The following EFR3A variants were observed in gnomAD, a reference collection of about 807,000 sequenced individuals.
The protein encoded by EFR3A is protein EFR3 homolog A.
A neutral mutation model predicts 104.4 loss-of-function variants in EFR3A; 76 were observed. The ratio of observed to expected loss-of-function variants is 0.73; its 90% confidence interval spans 0.60 to 0.88. The LOEUF (loss-of-function observed/expected upper bound fraction) is 0.88, where lower values mean the gene tolerates loss of function less well. Among genes scored for constraint, EFR3A ranks in the 40% least tolerant of loss-of-function variants. The probability of loss-of-function intolerance (pLI) is 0.00; values close to 1 mark genes in which losing one functional copy is unlikely to be tolerated. For synonymous variants in EFR3A, 330 were observed against 330.0 expected (o/e 1.00, Z 0.00); for missense variants, 985 against 1,012.5 (o/e 0.97, Z 0.37).
At chr8:131,909,804 T>A (rs1025694290) in intron 1 of EFR3A, among the ~76,000 whole-genome samples, 1 of 152,196 alleles carries the variant, frequency 6.6e-6, no homozygotes, top group African/African-American at 2.4e-5. Context: ...GCCCCAAGCT[T>A]CTGTCAACCA....
At chr8:131,981,314 A>C (rs1820601107) in intron 14 of EFR3A, among the ~76,000 whole-genome samples, 1 of 152,096 alleles carries the variant, frequency 6.6e-6, no homozygotes, top group Non-Finnish European at 1.5e-5. Flanking sequence ...CGGCAAGATT[A>C]GACTATTATT....
intron 1 of EFR3A, among the ~76,000 whole-genome samples, chr8:131,930,473 A>ATTTTTTTTTTTTTTTTTTTTTTTT (rs1586553974): frequency 6.6e-6 from 1 of 151,634 alleles, no homozygotes. Flanking sequence ...TATCAGCACA[A>ATTTTTTTTTTTTTTTTTTTTTTTT]TCTTAAGAGA....
chr8:131,956,124 TA>T (rs2130630625), intron 7 of EFR3A, among the ~76,000 whole-genome samples: 1 of 152,326 alleles, frequency 6.6e-6, no homozygotes, highest in Admixed American at 6.5e-5. Flanking sequence ...TGAAGTGTAA[TA>T]ATGTGTTAAT....
intron 6 of EFR3A, 106 bp from the exon 7 acceptor site, chr8:131,955,661 TA>T: frequency 8.1e-7 from 1 of 1,234,702 alleles, no homozygotes; most frequent in Non-Finnish European, 1.1e-6. Context: ...TTCTGGAGTA[TA>T]AAAAGAAAAT....
At chr8:131,973,902 T>TA (rs929363632) in intron 10 of EFR3A, among the ~76,000 whole-genome samples, 129 of 151,710 alleles carry the variant, frequency 8.5e-4, no homozygotes, top group African/African-American at 2.9e-3. Context: ...AATTTTAAGT[T>TA]AAAAAAAAAT....
intron 8 of EFR3A, among the ~76,000 whole-genome samples, chr8:131,963,040 T>C (rs1312506833): frequency 6.6e-6 from 1 of 152,162 alleles, no homozygotes; most frequent in Non-Finnish European, 1.5e-5. Flanking sequence ...AGACACAACA[T>C]ACCAGAATCT....
At position 131,961,082 on chromosome 8, in the gene EFR3A, C is replaced by T. The variant is rs1006947577; in HGVS notation, c.855+1419C>T. On this transcript the variant is annotated intron_variant, in intron 8 of 22. Transcript: ENST00000254624. ...TCTTTACGTCACCATCATAAAAGACCAAAGGTAGATAAAACCACAAAGATG... is the reference window on the plus strand; with the variant it reads ...TCTTTACGTCACCATCATAAAAGACTAAAGGTAGATAAAACCACAAAGATG... Among the ~76,000 whole-genome samples the T allele has an allele frequency of 4.6e-5, 7 of 152,210 alleles. 1 individual carries two copies. Among genetic ancestry groups the T allele is most frequent in the Admixed American group, 4.6e-4 (7 of 15,280 alleles).
chr8:131,954,927 A>G (rs1359011052), intron 6 of EFR3A, among the ~76,000 whole-genome samples: 2 of 152,138 alleles, frequency 1.3e-5, no homozygotes, highest in Non-Finnish European at 2.9e-5. Flanking sequence ...AATTACAGAA[A>G]GGATTCATGC....
chr8:131,937,511 A>AT, intron 1 of EFR3A, among the ~76,000 whole-genome samples: 1 of 152,146 alleles, frequency 6.6e-6, no homozygotes, highest in Non-Finnish European at 1.5e-5. Context: ...CCTATTTCAT[A>AT]TTCTTCTAGT....
chr8:131,932,482 G>A (rs1817658620), intron 1 of EFR3A, among the ~76,000 whole-genome samples: 1 of 152,082 alleles, frequency 6.6e-6, no homozygotes, highest in Non-Finnish European at 1.5e-5. Context: ...TTATAAATAG[G>A]CTAATAAAGG....
At chr8:131,943,771 C>G (rs1818283079) in intron 2 of EFR3A, among the ~76,000 whole-genome samples, 1 of 151,850 alleles carries the variant, frequency 6.6e-6, no homozygotes, top group Admixed American at 6.6e-5. Context: ...CTCAGTTACA[C>G]CTGGTTAAGA....
In EFR3A at chr8:132,002,712, T is replaced by G; in HGVS notation, c.2310+6T>G. ...CAGCACAGTGTGAATCCAAAGTAAG[T>G]GAAGAAACGGTGAAGGGCTTGTGGG... On this transcript the variant is annotated splice_donor_region_variant and intron_variant, in intron 21 of 22. Transcript: ENST00000254624. 1 of 1,610,750 alleles carries G rather than the reference T, an allele frequency of 6.2e-7. No homozygotes were observed. Among genetic ancestry groups the G allele is most frequent in the Non-Finnish European group, 8.5e-7 (1 of 1,177,342 alleles).
At chr8:131,939,141 A>G (rs13276563) in intron 1 of EFR3A, among the ~76,000 whole-genome samples, 2 of 152,094 alleles carry the variant, frequency 1.3e-5, no homozygotes, top group African/African-American at 2.4e-5. Flanking sequence ...CTACCATTGT[A>G]TTGAGTGCTT....
rs1820958246 is a variant in EFR3A at position 131,987,662 on chromosome 8, T to C, written c.2025T>C (p.Ser675=). The part of the protein sequence containing the change: ...IAESLGGSGY[S]VERLSVPYVP... ...AGTCGCTAGGTGGAAGTGGATATAG[T>C]GTTGAGAGATTGTCAGTTCCGTATG... Residue 675 remains serine, a synonymous_variant, in exon 18 of 23, where the codon AGT becomes AGC. Transcript: ENST00000254624. 6.3e-7 allele frequency: 1 copy of C among 1,596,750 alleles called. No individual in the cohort carries two copies. Among genetic ancestry groups the C allele is most frequent in the Non-Finnish European group, 8.5e-7 (1 of 1,170,648 alleles).
At chr8:131,922,256 A>G (rs1266522977) in intron 1 of EFR3A, among the ~76,000 whole-genome samples, 1 of 152,130 alleles carries the variant, frequency 6.6e-6, no homozygotes, top group African/African-American at 2.4e-5. Context: ...CATCTTGATT[A>G]TATCTGCAAA....
chr8:131,949,359 A>G (rs1176846457), intron 4 of EFR3A, among the ~76,000 whole-genome samples: 1 of 152,186 alleles, frequency 6.6e-6, no homozygotes, highest in Non-Finnish European at 1.5e-5. Flanking sequence ...TGCTGTATAT[A>G]ATAGGAGGAT....
chr8:132,002,807 C>A, intron 21 of EFR3A, 101 bp downstream of exon 21: 2 of 894,268 alleles, frequency 2.2e-6, no homozygotes, highest in Admixed American at 2.5e-5. Context: ...GTCAAATCAA[C>A]GGAACACAGG....
intron 18 of EFR3A, among the ~76,000 whole-genome samples, chr8:131,990,721 G>C (rs6996958): frequency 0.036 from 5,457 of 152,196 alleles, 189 homozygotes; most frequent in African/African-American, 0.093. Context: ...GTCATCCTTA[G>C]GAGAAATGAC....
chr8:131,955,666 A>G lies in EFR3A; in HGVS notation c.639-102A>G, dbSNP rs186818588. ...GCTATATATTTTCTGGAGTATAAAA[A>G]GAAAATGCCATTTTAACATTTCTAA... is the stretch of plus-strand genomic sequence containing the variant. On this transcript the variant is annotated intron_variant, in intron 6 of 22. Transcript: ENST00000254624. 3.3e-5 allele frequency: 43 copies of G among 1,311,790 alleles called. No homozygotes were observed. In the African/African-American group the frequency reaches 5.1e-4, roughly 16 times the overall value. 81.3% of individuals were successfully genotyped at this position (1,311,790 alleles called of 1,614,324 possible).
Sources: gnomAD v4.1 joint callset for allele counts (sites outside exome capture counted in the v4.1 genomes callset) on GRCh38, gnomAD v4.1.1 for gene constraint, MANE v1.5 for transcripts, NCBI Gene and HGNC (gene_info 2026-07-23, HGNC 2026-07-21) for gene names.